Variants in ITGA9 observed in about 807,000 individuals in gnomAD.
ITGA9 encodes the protein integrin alpha-9.
In ITGA9, 56 loss-of-function variants were observed where a neutral mutation model predicts 127.8. The observed-to-expected ratio is 0.44, with a 90% CI of 0.35 to 0.55. The LOEUF (loss-of-function observed/expected upper bound fraction) is 0.55. Ranked by LOEUF, ITGA9 falls within the 20% of genes least tolerant of loss-of-function variation. The pLI, the probability that ITGA9 is intolerant of heterozygous loss-of-function variation, is 0.00. For missense variants in ITGA9, 1,196 were observed against 1,347.1 expected, an observed-to-expected ratio of 0.89 and a Z score of 1.76; for synonymous variants, 508 against 514.5, an observed-to-expected ratio of 0.99 and a Z score of 0.17.
intron 27 of ITGA9, chr3:37,807,242 C>T (rs908039427): frequency 6.6e-6 from 1 of 152,258 alleles, no homozygotes; most frequent in Non-Finnish European, 1.5e-5. Flanking sequence ...GAGACCATCA[C>T]CTCCAGTTTG....
At chr3:37,548,178 A>T (rs1699345844) in intron 15 of ITGA9, among the ~76,000 whole-genome samples, 1 of 152,210 alleles carries the variant, frequency 6.6e-6, no homozygotes, top group South Asian at 2.1e-4. Context: ...GAAAGCATTA[A>T]ACTGAGTAAA....
At chr3:37,752,491 T>C (rs574058058) in intron 23 of ITGA9, among the ~76,000 whole-genome samples, 90 of 152,276 alleles carry the variant, frequency 5.9e-4, no homozygotes, top group Admixed American at 1.6e-3. Flanking sequence ...AAACAGATTA[T>C]AGGCATGGAG....
chr3:37,544,316 G>T (rs1265119157), intron 15 of ITGA9, among the ~76,000 whole-genome samples: 2 of 152,160 alleles, frequency 1.3e-5, no homozygotes, highest in Non-Finnish European at 2.9e-5. Context: ...GGTTGGTCCT[G>T]CTACTTTCTG....
intron 13 of ITGA9, among the ~76,000 whole-genome samples, chr3:37,529,987 G>A (rs944452844): frequency 3.3e-5 from 5 of 152,248 alleles, no homozygotes; most frequent in African/African-American, 1.2e-4. Flanking sequence ...TCAGGGCGAG[G>A]TTCAGTTTGG....
At chr3:37,680,131 C>T (rs952865679) in intron 17 of ITGA9, among the ~76,000 whole-genome samples, 5 of 152,130 alleles carry the variant, frequency 3.3e-5, no homozygotes, top group African/African-American at 4.8e-5. Flanking sequence ...ACCAGCACAG[C>T]GTCTTCTCTC....
At chr3:37,659,918 C>T (rs1217307489) in intron 17 of ITGA9, among the ~76,000 whole-genome samples, 1 of 151,914 alleles carries the variant, frequency 6.6e-6, no homozygotes, top group Non-Finnish European at 1.5e-5. Context: ...ATCTTTCATT[C>T]ATCAAAGGAA....
At chr3:37,469,389 T>C (rs1698404698) in intron 1 of ITGA9, among the ~76,000 whole-genome samples, 1 of 152,188 alleles carries the variant, frequency 6.6e-6, no homozygotes, top group East Asian at 1.9e-4. Flanking sequence ...ATGCTGTGTG[T>C]GTGGTGGGTG....
At chr3:37,530,633 C>G (rs553920780) in intron 13 of ITGA9, among the ~76,000 whole-genome samples, 1 of 151,018 alleles carries the variant, frequency 6.6e-6, no homozygotes, top group African/African-American at 2.4e-5. Flanking sequence ...CAAAGGGCAT[C>G]CCAACTGGTT....
rs553367450 is a variant in ITGA9 at position 37,772,613 on chromosome 3, T to A, written c.2542-4779T>A. Among the ~76,000 whole-genome samples, 6 of 152,228 alleles carry A rather than the reference T, an allele frequency of 3.9e-5. No homozygotes were observed. The South Asian group carries it at 1.2e-3, about 32-fold the overall frequency. On this transcript the variant is annotated intron_variant, in intron 23 of 27. Coordinates refer to ENST00000264741, the MANE Select transcript of ITGA9 (RefSeq NM_002207.3). ...CTCCCTCCACCTTGATGACCCTTGG[T>A]AGGTACTGAGTTCCTGAGTTTTAGC...
chr3:37,608,733 C>T (rs1699991686), intron 15 of ITGA9, among the ~76,000 whole-genome samples: 1 of 152,114 alleles, frequency 6.6e-6, no homozygotes, highest in Non-Finnish European at 1.5e-5. Flanking sequence ...ATATTGTAAG[C>T]AGGACCAACT....
chr3:37,579,348 T>A (rs1376910704), intron 15 of ITGA9, among the ~76,000 whole-genome samples: 6 of 152,176 alleles, frequency 3.9e-5, no homozygotes, highest in African/African-American at 1.4e-4. Context: ...GAACATGGCT[T>A]CCAGTTTCAA....
intron 18 of ITGA9, among the ~76,000 whole-genome samples, chr3:37,705,928 A>C (rs1701000207): frequency 6.6e-6 from 1 of 152,144 alleles, no homozygotes; most frequent in Non-Finnish European, 1.5e-5. Flanking sequence ...GAAAGAAGGA[A>C]TGTTCTAGTG....
At chr3:37,718,777 C>T (rs539733446) in intron 18 of ITGA9, among the ~76,000 whole-genome samples, 1 of 152,198 alleles carries the variant, frequency 6.6e-6, no homozygotes, top group Admixed American at 6.5e-5. Context: ...GCCGACGCCA[C>T]ATGCATTAAT....
intron 19 of ITGA9, among the ~76,000 whole-genome samples, chr3:37,736,108 T>G (rs1401813385): frequency 6.6e-6 from 1 of 152,198 alleles, no homozygotes; most frequent in African/African-American, 2.4e-5. Flanking sequence ...CTTCTCTTCT[T>G]CTGAGTGCAC....
chr3:37,646,579 G>A (rs990541436), intron 16 of ITGA9, among the ~76,000 whole-genome samples: 2 of 152,210 alleles, frequency 1.3e-5, no homozygotes, highest in Non-Finnish European at 1.5e-5. Flanking sequence ...TAACTAGGGA[G>A]GAATAAGAGA....
chr3:37,665,928 C>T (rs1053029192), intron 17 of ITGA9, among the ~76,000 whole-genome samples: 4 of 152,180 alleles, frequency 2.6e-5, no homozygotes, highest in Admixed American at 2.0e-4. Context: ...CTGGGAAAGA[C>T]ATCGAAGGGT....
intron 18 of ITGA9, among the ~76,000 whole-genome samples, chr3:37,731,274 G>A (rs975951264): frequency 1.3e-5 from 2 of 152,096 alleles, no homozygotes; most frequent in African/African-American, 2.4e-5. Context: ...CTGGAGTGCA[G>A]TGGCACCATC....
chr3:37,701,474 A>G (rs752260951), intron 18 of ITGA9, among the ~76,000 whole-genome samples: 1 of 152,192 alleles, frequency 6.6e-6, no homozygotes, highest in Admixed American at 6.5e-5. Context: ...CCACTGGGGA[A>G]CCCTGGGTCC....
At position 37,799,449 on chromosome 3, in the gene ITGA9, T is replaced by C. The variant is rs1378415508; in HGVS notation, c.2890-4374T>C. On this transcript the variant is annotated intron_variant, in intron 26 of 27. Coordinates refer to ENST00000264741, the MANE Select transcript of ITGA9 (RefSeq NM_002207.3). This position sits in a 1 kb window ranked among gnomAD's most constrained non-coding sequence, Gnocchi z 4.0. ...AATGAGCTTGTCAAATGGACAAGGA[T>C]GGAAGGGCATTTCAGGAGGCAAGAG... 6.6e-6 allele frequency among the ~76,000 whole-genome samples: 1 copy of C among 152,174 alleles called. No homozygotes were observed. The highest frequency in any genetic ancestry group is 1.5e-5 in the Non-Finnish European group (1 of 68,036).
Sources: gnomAD v4.1 joint callset for allele counts (sites outside exome capture counted in the v4.1 genomes callset) on GRCh38, gnomAD v4.1.1 for gene constraint, Gnocchi (gnomAD v3.1) non-coding constraint, MANE v1.5 for transcripts, NCBI Gene and HGNC (gene_info 2026-07-23, HGNC 2026-07-21) for gene names.